Variants in TMC1 observed in about 807,000 individuals in gnomAD.
TMC1 encodes transmembrane channel like 1.
Under a neutral mutation model 105.8 loss-of-function variants are expected in TMC1, and 84 were observed. The observed-to-expected ratio is 0.79, with a 90% CI of 0.67 to 0.95. The LOEUF is 0.95. Ranked by LOEUF, TMC1 falls within the 40% of genes least tolerant of loss-of-function variation. The probability of loss-of-function intolerance (pLI) is 0.00; values close to 1 mark genes in which losing one functional copy is unlikely to be tolerated. For missense variants in TMC1, 817 were observed against 914.1 expected, an observed-to-expected ratio of 0.89 and a Z score of 1.37; for synonymous variants, 315 against 311.5, an observed-to-expected ratio of 1.01 and a Z score of -0.12.
At chr9:72,680,763 T>C (rs1826273439) in intron 5 of TMC1, among the ~76,000 whole-genome samples, 1 of 152,280 alleles carries the variant, frequency 6.6e-6, no homozygotes, top group Admixed American at 6.6e-5. Flanking sequence ...CATTTGCTAA[T>C]GTATGCTAAT....
At chr9:72,597,433 C>T (rs1375984712) in intron 2 of TMC1, among the ~76,000 whole-genome samples, 2 of 152,160 alleles carry the variant, frequency 1.3e-5, no homozygotes, top group African/African-American at 4.8e-5. Context: ...CTTCAGGGTA[C>T]CTGCTGTTCA....
At chr9:72,636,896 A>G (rs1825543304) in intron 4 of TMC1, among the ~76,000 whole-genome samples, 1 of 152,048 alleles carries the variant, frequency 6.6e-6, no homozygotes, top group Admixed American at 6.6e-5. Flanking sequence ...CTTAGATGCT[A>G]TTGGTGTTGT....
chr9:72,766,628 A>G (rs1383497186), intron 12 of TMC1, among the ~76,000 whole-genome samples: 1 of 152,098 alleles, frequency 6.6e-6, no homozygotes. Context: ...AAGAGTACCA[A>G]TGCAAGGATG....
intron 2 of TMC1, among the ~76,000 whole-genome samples, chr9:72,609,846 C>G (rs1824994020): frequency 6.6e-6 from 1 of 151,866 alleles, no homozygotes; most frequent in East Asian, 1.9e-4. Context: ...ACCTTTCTGC[C>G]CACCTGGCAA....
intron 4 of TMC1, among the ~76,000 whole-genome samples, chr9:72,635,900 A>C (rs747377852): frequency 3.9e-5 from 6 of 152,186 alleles, no homozygotes; most frequent in Non-Finnish European, 8.8e-5. Flanking sequence ...TCACCTAAGG[A>C]TGGCTTATCC....
chr9:72,710,826 G>A (rs1826823028), intron 8 of TMC1, among the ~76,000 whole-genome samples: 1 of 151,970 alleles, frequency 6.6e-6, no homozygotes, highest in Non-Finnish European at 1.5e-5. Flanking sequence ...GGGTACATGT[G>A]TGGAATGTGC....
intron 7 of TMC1, among the ~76,000 whole-genome samples, chr9:72,700,205 C>T (rs1311831852): frequency 6.7e-6 from 1 of 149,484 alleles, no homozygotes; most frequent in South Asian, 2.1e-4. Context: ...GAGCCAAGAT[C>T]GCACCATTGC....
chr9:72,719,628 G>T (rs1306596342), intron 8 of TMC1, among the ~76,000 whole-genome samples: 1 of 152,172 alleles, frequency 6.6e-6, no homozygotes, highest in Non-Finnish European at 1.5e-5. Context: ...TTCTGCAGCA[G>T]TTCTTGGAAC....
intron 5 of TMC1, among the ~76,000 whole-genome samples, chr9:72,665,875 C>T (rs559732349): frequency 1.2e-4 from 18 of 152,212 alleles, no homozygotes; most frequent in Non-Finnish European, 2.5e-4. Flanking sequence ...TTCCCACTCA[C>T]AAGCAAGTGA....
chr9:72,821,084 C>G lies in TMC1; in HGVS notation c.2003+3C>G. Reference sequence around the variant, plus strand: ...TCTTTTGATTGTGGTCCATTCAGGTCTCTTGCTTTTGAAATTTGACTCAGG... The same window carrying G: ...TCTTTTGATTGTGGTCCATTCAGGTGTCTTGCTTTTGAAATTTGACTCAGG... On this transcript the variant is annotated splice_donor_region_variant and intron_variant, in intron 20 of 23. Coordinates refer to ENST00000297784, the MANE Select transcript of TMC1 (RefSeq NM_138691.3). 1 of 1,614,140 alleles carries G rather than the reference C, an allele frequency of 6.2e-7. No homozygotes were observed. Among genetic ancestry groups the G allele is most frequent in the South Asian group, 1.1e-5 (1 of 91,076 alleles).
At chr9:72,571,898 G>A (rs568152550) in intron 1 of TMC1, among the ~76,000 whole-genome samples, 21 of 151,378 alleles carry the variant, frequency 1.4e-4, no homozygotes, top group African/African-American at 5.1e-4. Flanking sequence ...GTGCAATGGC[G>A]TAATCTCGGC....
chr9:72,661,903 G>A (rs574440036), intron 5 of TMC1, among the ~76,000 whole-genome samples: 57 of 152,326 alleles, frequency 3.7e-4, no homozygotes, highest in African/African-American at 1.1e-3. Flanking sequence ...CCTAGAGAAA[G>A]TCTACATGGG....
At chr9:72,782,610 A>G (rs1432936626) in intron 13 of TMC1, among the ~76,000 whole-genome samples, 1 of 152,220 alleles carries the variant, frequency 6.6e-6, no homozygotes, top group Non-Finnish European at 1.5e-5. Flanking sequence ...ACTTCTGCAA[A>G]GTTTCAGAAT....
At chr9:72,714,595 T>C (rs1167944371) in intron 8 of TMC1, among the ~76,000 whole-genome samples, 1 of 91,228 alleles carries the variant, frequency 1.1e-5, no homozygotes, top group Non-Finnish European at 2.1e-5. Context: ...AACCTCTGCT[T>C]TTTTTTGCTG....
chr9:72,820,516 G>A (rs1828849671), intron 19 of TMC1, among the ~76,000 whole-genome samples: 1 of 152,154 alleles, frequency 6.6e-6, no homozygotes, highest in Admixed American at 6.5e-5. Flanking sequence ...TTTAGAATTA[G>A]AAGAAAGAAG....
chr9:72,704,506 A>G (rs1826701353), intron 8 of TMC1, among the ~76,000 whole-genome samples: 1 of 152,214 alleles, frequency 6.6e-6, no homozygotes, highest in South Asian at 2.1e-4. Flanking sequence ...TAGGATCAAA[A>G]GATGGTTAAT....
chr9:72,672,849 C>CACAT (rs1486662913), intron 5 of TMC1, among the ~76,000 whole-genome samples: 3 of 150,856 alleles, frequency 2.0e-5, no homozygotes, highest in African/African-American at 7.3e-5. Flanking sequence ...CACACACACA[C>CACAT]ACACACACAC....
chr9:72,670,603 G>C (rs1826113875), intron 5 of TMC1, among the ~76,000 whole-genome samples: 1 of 152,056 alleles, frequency 6.6e-6, no homozygotes, highest in Non-Finnish European at 1.5e-5. Context: ...CAATGACACA[G>C]ATGATGTAAT....
chr9:72,576,633 C>CTT (rs56821184), intron 1 of TMC1, among the ~76,000 whole-genome samples: 37 of 113,522 alleles, frequency 3.3e-4, no homozygotes, highest in East Asian at 7.9e-4. Context: ...TTTTTTTTTT[C>CTT]TTTTTTTTTT....
Sources: gnomAD v4.1 joint callset for allele counts (sites outside exome capture counted in the v4.1 genomes callset) on GRCh38, gnomAD v4.1.1 for gene constraint, MANE v1.5 for transcripts, NCBI Gene and HGNC (gene_info 2026-07-23, HGNC 2026-07-21) for gene names.